Variants in DUSP13B observed in about 807,000 individuals in gnomAD.
The protein encoded by DUSP13B is dual specificity protein phosphatase 13B.
At chr10:75,095,949 G>C in the DUSP13B span, among the ~76,000 whole-genome samples, 3 of 152,180 alleles carry the variant, frequency 2.0e-5, no homozygotes, top group African/African-American at 7.2e-5. Flanking sequence ...GGCTCCTCCT[G>C]TTGGAGTTTA....
the DUSP13B span, chr10:75,095,658 G>T: frequency 3.7e-6 from 6 of 1,614,188 alleles, no homozygotes; most frequent in Non-Finnish European, 5.1e-6. Flanking sequence ...GTTGTCGTCC[G>T]CCTCGATGCC....
chr10:75,095,596 C>T, the DUSP13B span: 1 of 1,614,150 alleles, frequency 6.2e-7, no homozygotes. Flanking sequence ...CTGAGGGCAG[C>T]TCGGATGTAT....
the DUSP13B span, among the ~76,000 whole-genome samples, chr10:75,102,315 T>C: frequency 5.1e-4 from 78 of 152,102 alleles, no homozygotes; most frequent in African/African-American, 1.7e-3. Context: ...TGGTGGTGGA[T>C]GCCTGTAGTC....
chr10:75,101,736 C>T, the DUSP13B span: 9 of 538,912 alleles, frequency 1.7e-5, no homozygotes, highest in South Asian at 1.2e-4. Context: ...GCCTTCATCT[C>T]TGACCCAGTC....
chr10:75,106,636 C>T, the DUSP13B span, among the ~76,000 whole-genome samples: 1 of 152,232 alleles, frequency 6.6e-6, no homozygotes, highest in Admixed American at 6.5e-5. Flanking sequence ...GCCCTCCACA[C>T]TGGCCCACTC....
chr10:75,097,982 G>A, the DUSP13B span: 3 of 1,141,088 alleles, frequency 2.6e-6, no homozygotes, highest in Non-Finnish European at 3.6e-6. Context: ...AGGTGCCACG[G>A]GGATGCTGCA....
the DUSP13B span, among the ~76,000 whole-genome samples, chr10:75,096,361 G>A: frequency 6.6e-6 from 1 of 152,012 alleles, no homozygotes; most frequent in Admixed American, 6.5e-5. Context: ...AGGATTCATT[G>A]AGCTCAGGAG....
the DUSP13B span, among the ~76,000 whole-genome samples, chr10:75,103,112 C>A: frequency 6.9e-3 from 1,048 of 152,296 alleles, 18 homozygotes; most frequent in Non-Finnish European, 6.1e-3. Context: ...TGGAGTGAGA[C>A]CCTCTCCCTT....
the DUSP13B span, among the ~76,000 whole-genome samples, chr10:75,096,337 G>T: frequency 6.6e-6 from 1 of 152,090 alleles, no homozygotes; most frequent in African/African-American, 2.4e-5. Context: ...AACACTTTGG[G>T]AGACTAAGGC....
chr10:75,108,781 G>A, the DUSP13B span, among the ~76,000 whole-genome samples: 1 of 152,124 alleles, frequency 6.6e-6, no homozygotes, highest in Non-Finnish European at 1.5e-5. Context: ...TGGAACTCCT[G>A]GGAGACTCCC....
At chr10:75,095,899 G>T in the DUSP13B span, 8 of 1,097,816 alleles carry the variant, frequency 7.3e-6, no homozygotes, top group Non-Finnish European at 1.1e-5. Flanking sequence ...CACCCACCAA[G>T]GGTAGAGACA....
the DUSP13B span, chr10:75,105,648 CCT>C: frequency 2.8e-5 from 44 of 1,546,744 alleles, no homozygotes; most frequent in Non-Finnish European, 3.6e-5. Flanking sequence ...AGCTTTGCCC[CCT>C]GAGGCCTCAC....
At chr10:75,099,572 G>GT in the DUSP13B span, 1 of 1,211,674 alleles carries the variant, frequency 8.3e-7, no homozygotes, top group Non-Finnish European at 1.0e-6. Context: ...GGGCGCCCAT[G>GT]GGGGGTGGGG....
chr10:75,105,916 C>A, the DUSP13B span: 1 of 1,520,734 alleles, frequency 6.6e-7, no homozygotes, highest in Non-Finnish European at 8.9e-7. Flanking sequence ...CACCGGCCCA[C>A]CCACGGGCTG....
At chr10:75,104,090 G>C in the DUSP13B span, 1 of 1,350,234 alleles carries the variant, frequency 7.4e-7, no homozygotes, top group Non-Finnish European at 9.9e-7. Context: ...AGGGAGTAAG[G>C]ACCAGCTCTG....
chr10:75,094,885 G>A, the DUSP13B span: 2 of 1,613,416 alleles, frequency 1.2e-6, no homozygotes, highest in Non-Finnish European at 1.7e-6. Flanking sequence ...CGGCCTGTAG[G>A]GAGAACCAAC....
At chr10:75,098,020 G>T in the DUSP13B span, 3 of 747,864 alleles carry the variant, frequency 4.0e-6, no homozygotes, top group Non-Finnish European at 6.1e-6. Context: ...TTCACATGAG[G>T]TATTAACAAG....
the DUSP13B span, chr10:75,095,889 C>G: frequency 8.4e-7 from 1 of 1,186,936 alleles, no homozygotes; most frequent in Non-Finnish European, 1.2e-6. Context: ...CCCCGCCCAC[C>G]ACCCACCAAG....
chr10:75,102,948 G>A, the DUSP13B span, among the ~76,000 whole-genome samples: 2 of 151,798 alleles, frequency 1.3e-5, no homozygotes, highest in Non-Finnish European at 2.9e-5. Flanking sequence ...ACGAAACTCC[G>A]TCTCCAAAAA....
Sources: gnomAD v4.1 joint callset for allele counts (sites outside exome capture counted in the v4.1 genomes callset) on GRCh38, gnomAD v4.1.1 for gene constraint, MANE v1.5 for transcripts, NCBI Gene and HGNC (gene_info 2026-07-23, HGNC 2026-07-21) for gene names.